KCNQ1: variants seen among roughly 807,000 people sequenced by gnomAD.
KCNQ1 encodes the protein potassium voltage-gated channel subfamily KQT member 1.
A neutral mutation model predicts 72.4 loss-of-function variants in KCNQ1; 49 were observed. The observed-to-expected ratio is 0.68, with a 90% CI of 0.54 to 0.86. The LOEUF (loss-of-function observed/expected upper bound fraction) is 0.86, where lower values mean the gene tolerates loss of function less well. Among genes scored for constraint, KCNQ1 ranks in the 40% least tolerant of loss-of-function variants. The pLI, the probability that KCNQ1 is intolerant of heterozygous loss-of-function variation, is 0.00. For missense variants in KCNQ1, 790 were observed against 945.1 expected, an observed-to-expected ratio of 0.84 and a Z score of 2.15; for synonymous variants, 450 against 412.6, an observed-to-expected ratio of 1.09 and a Z score of -1.10.
At chr11:2,522,508 C>T (rs550424900) in intron 1 of KCNQ1, among the ~76,000 whole-genome samples, 1 of 152,196 alleles carries the variant, frequency 6.6e-6, no homozygotes, top group Non-Finnish European at 1.5e-5. Context: ...AGGGCAGGGA[C>T]CCCAGCTCGG....
chr11:2,758,313 C>T (rs74710550), intron 11 of KCNQ1, among the ~76,000 whole-genome samples: 6 of 152,270 alleles, frequency 3.9e-5, no homozygotes, highest in Middle Eastern at 3.4e-3. Context: ...TGATCAACTT[C>T]GTTAGCAAAG....
In KCNQ1 at chr11:2,711,374, A is replaced by G. The variant is rs1851002282; in HGVS notation, c.1514+49293A>G. 6.6e-6 allele frequency among the ~76,000 whole-genome samples: 1 copy of G among 151,770 alleles called. No homozygotes were observed. ...TTGTGGTCTCCTGTCTTGCGCACTA[A>G]TTGTTGCCCAAGTCTTTGCACATCC... On this transcript the variant is annotated intron_variant, in intron 11 of 15. Transcript: ENST00000155840. The surrounding 1 kb of genome is among the most constrained non-coding windows in gnomAD (Gnocchi z 5.4).
At chr11:2,728,957 G>A (rs964110683) in intron 11 of KCNQ1, among the ~76,000 whole-genome samples, 15 of 152,256 alleles carry the variant, frequency 9.9e-5, no homozygotes, top group Non-Finnish European at 2.9e-5. Context: ...ATTAATGCTC[G>A]TGATAAGGTG....
At chr11:2,524,381 T>C (rs747515177) in intron 1 of KCNQ1, among the ~76,000 whole-genome samples, 30 of 152,160 alleles carry the variant, frequency 2.0e-4, no homozygotes, top group Non-Finnish European at 1.8e-4. Context: ...TTTACCCCAA[T>C]TGTGACCTCA....
chr11:2,814,334 G>A (rs1847568634), intron 15 of KCNQ1, among the ~76,000 whole-genome samples: 1 of 151,466 alleles, frequency 6.6e-6, no homozygotes, highest in Admixed American at 6.6e-5. Context: ...TGGGTGTGTG[G>A]GTGGGTGGAG....
chr11:2,517,610 T>C (rs1395044145), intron 1 of KCNQ1, among the ~76,000 whole-genome samples: 1 of 152,114 alleles, frequency 6.6e-6, no homozygotes, highest in Admixed American at 6.5e-5. Context: ...TGGCAGGGTT[T>C]CCCCCTGGCA....
At position 2,647,688 on chromosome 11, in the gene KCNQ1, G is replaced by A. The variant is rs1332146250; in HGVS notation, c.1394-14273G>A. 1 of 398,296 alleles carries A rather than the reference G, an allele frequency of 2.5e-6. No individual in the cohort carries two copies. The highest frequency in any genetic ancestry group is 2.1e-5 in the African/African-American group (1 of 48,576). 24.7% of individuals were successfully genotyped at this position (398,296 alleles called of 1,614,324 possible). A position where few individuals can be genotyped will look rare whatever the true frequency, so the allele number is the denominator to read the frequency against. On this transcript the variant is annotated intron_variant, in intron 10 of 15. Transcript: ENST00000155840. The surrounding 1 kb of genome is among the most constrained non-coding windows in gnomAD (Gnocchi z 4.0). ...CAATCTCATTCCTTGTTATTGCTCTGTTCAGATTTTTTTTCTTCCTGGTTC... is the reference window on the plus strand; with the variant it reads ...CAATCTCATTCCTTGTTATTGCTCTATTCAGATTTTTTTTCTTCCTGGTTC...
At chr11:2,666,817 G>T (rs1472008796) in intron 11 of KCNQ1, 1 of 398,602 alleles carries the variant, frequency 2.5e-6, no homozygotes, top group Non-Finnish European at 4.4e-6. Context: ...GGAAAGGACA[G>T]AAAGGACATT....
intron 10 of KCNQ1, chr11:2,643,683 CATTA>C (rs1414266021): frequency 7.5e-6 from 3 of 398,356 alleles, no homozygotes; most frequent in Non-Finnish European, 1.3e-5. Context: ...TTATTCCTGT[CATTA>C]ATTGATTTCT....
intron 11 of KCNQ1, among the ~76,000 whole-genome samples, chr11:2,736,050 T>C (rs1845950499): frequency 6.6e-6 from 1 of 152,054 alleles, no homozygotes; most frequent in Non-Finnish European, 1.5e-5. Flanking sequence ...CCAGTATGTG[T>C]GTGCAGAAGG....
Position 2,767,446 on chromosome 11 carries a change from C to A in KCNQ1, c.1515-1398C>A, listed in dbSNP as rs927808038. On this transcript the variant is annotated intron_variant, in intron 11 of 15. Coordinates refer to ENST00000155840, the MANE Select transcript of KCNQ1 (RefSeq NM_000218.3). This position sits in a 1 kb window ranked among gnomAD's most constrained non-coding sequence, Gnocchi z 4.6. ...AGACTCCATCTCTTAATGGAAGGAGCTGCAAGTATTTAAGGCTGTTGGAAG... is the reference window on the plus strand; with the variant it reads ...AGACTCCATCTCTTAATGGAAGGAGATGCAAGTATTTAAGGCTGTTGGAAG... Among the ~76,000 whole-genome samples, 2 of 152,214 alleles carry A rather than the reference C, an allele frequency of 1.3e-5. No individual in the cohort carries two copies. Among genetic ancestry groups the A allele is most frequent in the Admixed American group, 6.5e-5 (1 of 15,286 alleles).
rs1848391386 is a variant in KCNQ1 at position 2,848,585 on chromosome 11, G to A, written c.*582G>A. The A allele has an allele frequency of 4.4e-6, 2 of 453,880 alleles. No homozygotes were observed. The highest frequency in any genetic ancestry group is 2.0e-5 in the African/African-American group (1 of 50,006). The allele number at this position is 453,880 out of a possible 1,614,324, so 28.1% of individuals were successfully genotyped here. ...GCAGGAGACTGTGGAGACTGCTCCT[G>A]AGCCCCCAGCTTCCAGCAGGAGGGA... On this transcript the variant is annotated 3_prime_UTR_variant, in exon 16 of 16. Coordinates refer to ENST00000155840, the MANE Select transcript of KCNQ1 (RefSeq NM_000218.3).
At chr11:2,718,809 A>G (rs1851147376) in intron 11 of KCNQ1, among the ~76,000 whole-genome samples, 2 of 152,204 alleles carry the variant, frequency 1.3e-5, no homozygotes, top group South Asian at 4.1e-4. Context: ...CCAGGTGCCC[A>G]TTTTACTACA....
In KCNQ1 at chr11:2,626,673, T is replaced by C; in HGVS notation, c.1394-35288T>C. 2.5e-6 allele frequency: 1 copy of C among 398,522 alleles called. No individual in the cohort carries two copies. The highest frequency in any genetic ancestry group is 4.4e-6 in the Non-Finnish European group (1 of 226,082). The allele number at this position is 398,522 out of a possible 1,614,324, so 24.7% of individuals were successfully genotyped here. On this transcript the variant is annotated intron_variant, in intron 10 of 15. Coordinates refer to ENST00000155840, the MANE Select transcript of KCNQ1 (RefSeq NM_000218.3). This position sits in a 1 kb window ranked among gnomAD's most constrained non-coding sequence, Gnocchi z 4.0. ...CTTCTTGAGTAGCTGGGAATAGAAG[T>C]GTGTACCATTACACCTGGCCAATTA...
At chr11:2,640,293 C>A (rs550380027) in intron 10 of KCNQ1, 9 of 397,982 alleles carry the variant, frequency 2.3e-5, no homozygotes, top group East Asian at 2.1e-4. Context: ...CCATCTTCTG[C>A]GTCACTCACG....
rs146671708 is a variant in KCNQ1 at position 2,589,597 on chromosome 11, G to A, written c.1393+743G>A. Among the ~76,000 whole-genome samples the A allele has an allele frequency of 6.6e-3, 1,002 of 152,254 alleles. 10 individuals carry two copies. Among genetic ancestry groups the A allele is most frequent in the African/African-American group, 0.023 (941 of 41,542 alleles). On this transcript the variant is annotated intron_variant, in intron 10 of 15. Coordinates refer to ENST00000155840, the MANE Select transcript of KCNQ1 (RefSeq NM_000218.3). ...ACACGGCGGGAATACAGCAGTGCCCGGTTGTGGCTCCCACGAGTGAGGCCC... is the reference window on the plus strand; with the variant it reads ...ACACGGCGGGAATACAGCAGTGCCCAGTTGTGGCTCCCACGAGTGAGGCCC...
In KCNQ1 at chr11:2,715,188, G is replaced by A. The variant is rs183904285; in HGVS notation, c.1514+53107G>A. 4.3e-4 allele frequency among the ~76,000 whole-genome samples: 66 copies of A among 152,226 alleles called. No homozygotes were observed. Among genetic ancestry groups the A allele is most frequent in the African/African-American group, 1.4e-3 (59 of 41,538 alleles). On this transcript the variant is annotated intron_variant, in intron 11 of 15. Coordinates refer to ENST00000155840, the MANE Select transcript of KCNQ1 (RefSeq NM_000218.3). This position sits in a 1 kb window ranked among gnomAD's most constrained non-coding sequence, Gnocchi z 4.9. Reference sequence around the variant, plus strand: ...TCAGCATGGGCACCCCATGCCACCCGCTCCATTTACAGCCAAGGAGCCTCA... The same window carrying A: ...TCAGCATGGGCACCCCATGCCACCCACTCCATTTACAGCCAAGGAGCCTCA...
chr11:2,562,190 G>A lies in KCNQ1; in HGVS notation c.478-8438G>A, dbSNP rs1252242620. 6.6e-6 allele frequency among the ~76,000 whole-genome samples: 1 copy of A among 151,798 alleles called. No individual in the cohort carries two copies. Among genetic ancestry groups the A allele is most frequent in the Non-Finnish European group, 1.5e-5 (1 of 67,894 alleles). ...CCCAGGCCAGGCTACCTTGGGCGGG[G>A]TGGGGACTGGTACTCCCCGGGGGGT... On this transcript the variant is annotated intron_variant, in intron 2 of 15. Coordinates refer to ENST00000155840, the MANE Select transcript of KCNQ1 (RefSeq NM_000218.3). This position sits in a 1 kb window ranked among gnomAD's most constrained non-coding sequence, Gnocchi z 7.5.
chr11:2,514,169 G>A (rs1847252400), intron 1 of KCNQ1, among the ~76,000 whole-genome samples: 1 of 152,230 alleles, frequency 6.6e-6, no homozygotes, highest in Non-Finnish European at 1.5e-5. Flanking sequence ...TTACCTCGCT[G>A]GCGGCCATGG....
Sources: allele counts gnomAD v4.1 joint callset (sites outside exome capture counted in the v4.1 genomes callset), GRCh38; gene constraint gnomAD v4.1.1; non-coding constraint Gnocchi (gnomAD v3.1); transcripts MANE v1.5; gene names NCBI Gene and HGNC (gene_info 2026-07-23, HGNC 2026-07-21).